The following IFTAP variants were observed in gnomAD, a reference collection of about 807,000 sequenced individuals.
IFTAP encodes intraflagellar transport-associated protein.
IFTAP carries 19 observed loss-of-function variants against 19.4 expected under a neutral mutation model. The observed-to-expected ratio is 0.98, with a 90% CI of 0.68 to 1.44. The LOEUF is 1.44. IFTAP is among the 40% of genes most tolerant of loss of function. IFTAP has a pLI of 0.00. For missense variants in IFTAP, 240 were observed against 253.6 expected (o/e 0.95, Z 0.36); for synonymous variants, 85 against 83.5 (o/e 1.02, Z -0.10).
At chr11:36,641,406 T>C (rs576953241) in intron 4 of IFTAP, among the ~76,000 whole-genome samples, 1 of 152,284 alleles carries the variant, frequency 6.6e-6, no homozygotes, top group Admixed American at 6.5e-5. Flanking sequence ...ATCTTTGAGA[T>C]CTTCAATCAT....
intron 2 of IFTAP, among the ~76,000 whole-genome samples, chr11:36,628,811 G>T (rs1261346598): frequency 6.6e-6 from 1 of 151,184 alleles, no homozygotes; most frequent in African/African-American, 2.5e-5. Context: ...TTCCAGACCA[G>T]GGTTGTGCAT....
intron 3 of IFTAP, 30 bp downstream of exon 3, chr11:36,633,468 C>A: frequency 1.4e-6 from 2 of 1,423,314 alleles, no homozygotes; most frequent in Non-Finnish European, 1.9e-6. Flanking sequence ...TGTATAGAAA[C>A]AATCTCAGAA....
chr11:36,642,379 A>G (rs1853253364), intron 4 of IFTAP, among the ~76,000 whole-genome samples: 1 of 152,110 alleles, frequency 6.6e-6, no homozygotes, highest in African/African-American at 2.4e-5. Context: ...CCTACCAACC[A>G]AAAAAAGCCC....
intron 5 of IFTAP, among the ~76,000 whole-genome samples, chr11:36,655,370 A>T (rs1307394201): frequency 1.3e-5 from 2 of 151,946 alleles, no homozygotes; most frequent in Middle Eastern, 3.4e-3. Context: ...ATCCCCTCCA[A>T]CTTAGTCTGG....
intron 3 of IFTAP, among the ~76,000 whole-genome samples, 165 bp downstream of exon 3, chr11:36,633,603 A>G (rs929163029): frequency 2.6e-5 from 4 of 152,132 alleles, no homozygotes; most frequent in Non-Finnish European, 4.4e-5. Context: ...ATCATTACAT[A>G]TATTTCATAA....
intron 4 of IFTAP, among the ~76,000 whole-genome samples, chr11:36,638,133 C>T (rs1003324235): frequency 6.6e-6 from 1 of 152,204 alleles, no homozygotes; most frequent in South Asian, 2.1e-4. Context: ...CCACCTGCCT[C>T]GGCCACACCC....
chr11:36,605,802 C>G (rs1466896249), intron 1 of IFTAP, among the ~76,000 whole-genome samples: 1 of 152,142 alleles, frequency 6.6e-6, no homozygotes, highest in African/African-American at 2.4e-5. Flanking sequence ...CGTTTTGAGT[C>G]TTTCATGTGG....
At position 36,659,097 on chromosome 11, in the gene IFTAP, A is replaced by G. The variant is rs372173628; in HGVS notation, c.577A>G (p.Ser193Gly). 21 of 1,610,204 alleles carry G rather than the reference A, an allele frequency of 1.3e-5. No homozygotes were observed. In the African/African-American group the frequency reaches 2.5e-4, roughly 19 times the overall value. Residue 193 changes from serine (S) to glycine (G), a missense_variant, in exon 6 of 6, where the codon AGT becomes GGT. Coordinates refer to ENST00000334307, the MANE Select transcript of IFTAP (RefSeq NM_138787.4). Reference protein sequence around the residue: ...YDNVMLTSKFSPAEIENIKEL... With the variant: ...YDNVMLTSKFGPAEIENIKEL... ...CAATGTGATGCTAACCTCCAAGTTTAGTCCTGCAGAGATAGAGAACATCAA... is the reference window on the plus strand; with the variant it reads ...CAATGTGATGCTAACCTCCAAGTTTGGTCCTGCAGAGATAGAGAACATCAA...
chr11:36,649,173 T>G (rs12417264), intron 5 of IFTAP, among the ~76,000 whole-genome samples: 14,395 of 152,090 alleles, frequency 0.095, 836 homozygotes, highest in African/African-American at 0.15. Flanking sequence ...CTAAAAGATA[T>G]TCTGTTATAG....
intron 4 of IFTAP, among the ~76,000 whole-genome samples, chr11:36,643,642 A>T (rs944140933): frequency 1.3e-5 from 2 of 152,210 alleles, no homozygotes; most frequent in African/African-American, 4.8e-5. Context: ...ACTGGTACCA[A>T]AACAGAGATA....
At chr11:36,632,755 G>C (rs976339201) in intron 2 of IFTAP, among the ~76,000 whole-genome samples, 3 of 151,196 alleles carry the variant, frequency 2.0e-5, no homozygotes, top group Admixed American at 6.6e-5. Flanking sequence ...GATACTGCTG[G>C]CAAGTTGAGT....
chr11:36,617,963 T>G (rs188198010), intron 2 of IFTAP, among the ~76,000 whole-genome samples: 1 of 152,140 alleles, frequency 6.6e-6, no homozygotes, highest in Admixed American at 6.6e-5. Context: ...TAACATTTAT[T>G]AAGTTCTAGG....
rs750937969 is a variant in IFTAP at position 36,648,088 on chromosome 11, CCCAGCCT to C, written c.434_440del (p.Gln145LeufsTer5). The C allele has an allele frequency of 3.5e-5, 56 of 1,613,286 alleles. No homozygotes were observed. The highest frequency in any genetic ancestry group is 2.7e-4 in the Admixed American group (16 of 59,896). On this transcript the variant is annotated frameshift_variant, in exon 5 of 6. Transcript: ENST00000334307. LOFTEE classifies it high-confidence loss of function. ...ATTCCTTCCTGTATCCCTTTTGTGG[CCCAGCCT>C]CCTACCTGTGAAGTGAAGCCAAAGC...
At chr11:36,622,126 G>C (rs1481626214) in intron 2 of IFTAP, among the ~76,000 whole-genome samples, 2 of 144,902 alleles carry the variant, frequency 1.4e-5, no homozygotes, top group Non-Finnish European at 3.0e-5. Flanking sequence ...GGAGTTTCCT[G>C]ATAAAATGAG....
intron 5 of IFTAP, 188 bp downstream of exon 5, chr11:36,648,343 A>G: frequency 1.4e-6 from 1 of 694,568 alleles, no homozygotes; most frequent in Non-Finnish European, 2.3e-6. Context: ...ACATAGAGCA[A>G]TTATGTTTTT....
chr11:36,637,312 A>G (rs1852992771), intron 4 of IFTAP, among the ~76,000 whole-genome samples: 2 of 152,222 alleles, frequency 1.3e-5, no homozygotes, highest in Admixed American at 6.5e-5. Flanking sequence ...TCTCAAGCAC[A>G]CTATTAACCA....
At chr11:36,614,898 A>C (rs1361305429) in intron 2 of IFTAP, among the ~76,000 whole-genome samples, 1 of 140,174 alleles carries the variant, frequency 7.1e-6, no homozygotes, top group Non-Finnish European at 1.6e-5. Flanking sequence ...TAGTTTCTTT[A>C]GCTGTGCAGA....
At chr11:36,644,726 A>G (rs534425083) in intron 4 of IFTAP, among the ~76,000 whole-genome samples, 1 of 152,028 alleles carries the variant, frequency 6.6e-6, no homozygotes, top group Admixed American at 6.5e-5. Flanking sequence ...GGAAACCATC[A>G]TTCTCAGCAA....
At chr11:36,595,337 A>G (rs1851172294) in intron 1 of IFTAP, 1 of 152,218 alleles carries the variant, frequency 6.6e-6, no homozygotes, top group Non-Finnish European at 1.5e-5. Flanking sequence ...TTGTGTTACA[A>G]CAAAAAGAAT....
Sources: gnomAD v4.1 joint callset for allele counts (sites outside exome capture counted in the v4.1 genomes callset) on GRCh38, gnomAD v4.1.1 for gene constraint, MANE v1.5 for transcripts, NCBI Gene and HGNC (gene_info 2026-07-23, HGNC 2026-07-21) for gene names.